The following C2orf42 variants were observed in gnomAD, a reference collection of about 807,000 sequenced individuals.
C2orf42 encodes chromosome 2 open reading frame 42.
Under a neutral mutation model 58.9 loss-of-function variants are expected in C2orf42, and 44 were observed. The ratio of observed to expected loss-of-function variants is 0.75; its 90% CI spans 0.59 to 0.96. The LOEUF (loss-of-function observed/expected upper bound fraction) is 0.96, where lower values mean the gene tolerates loss of function less well. C2orf42 is among the 40% of genes least tolerant of loss of function. C2orf42 has a pLI of 0.00. For missense variants in C2orf42, 630 were observed against 699.2 expected (o/e 0.90, Z 1.12); for synonymous variants, 239 against 265.4 (o/e 0.90, Z 0.97).
At chr2:70,150,593 A>G (rs756603528) in intron 9 of C2orf42, 29 bp from the exon 10 acceptor site, 3 of 1,542,002 alleles carry the variant, frequency 1.9e-6, no homozygotes, top group South Asian at 1.1e-5. Flanking sequence ...TATTAGTACA[A>G]TTCCACCTAA....
Position 70,150,534 on chromosome 2 carries a change from G to T in C2orf42, c.1547C>A (p.Thr516Lys). Residue 516 changes from threonine to lysine, a missense_variant, in exon 10 of 10, where the codon ACA (threonine) becomes AAA (lysine). Coordinates refer to ENST00000264434, the MANE Select transcript of C2orf42 (RefSeq NM_017880.3). ...TGGGATCCACTCGATGATGAAAGGT[G>T]TTGGCTCCTTTTGATCTGGGGAAGT... is the stretch of plus-strand genomic sequence containing the variant. ...GNTSPDQKEPTPFIIEWIPDI... is the reference protein window; with the variant it reads ...GNTSPDQKEPKPFIIEWIPDI... 4.3e-6 allele frequency: 7 copies of T among 1,613,912 alleles called. No individual in the cohort carries two copies. The highest frequency in any genetic ancestry group is 5.9e-6 in the Non-Finnish European group (7 of 1,179,808).
Position 70,181,762 on chromosome 2 carries a change from T to C in C2orf42, c.224A>G (p.Tyr75Cys). ...GCCCCGGTCTCTTTGCCGCACTGAG[T>C]AGACCTGAAGATCAGAGCCTGTAAT... is the stretch of plus-strand genomic sequence containing the variant. ...KIITGSDLQV[Y>C]SVRQRDRGPD... is the part of the protein sequence containing the mutation. Residue 75 changes from tyrosine (Y) to cysteine (C), a missense_variant, in exon 3 of 10, where the codon TAC becomes TGC. Transcript: ENST00000264434. The C allele has an allele frequency of 6.2e-7, 1 of 1,614,096 alleles. No homozygotes were observed. Among genetic ancestry groups the C allele is most frequent in the Non-Finnish European group, 8.5e-7 (1 of 1,179,972 alleles).
intron 1 of C2orf42, among the ~76,000 whole-genome samples, chr2:70,189,084 GAAAAT>G (rs1445676651): frequency 6.6e-6 from 1 of 151,920 alleles, no homozygotes; most frequent in Non-Finnish European, 1.5e-5. Context: ...ATACTTCCCA[GAAAAT>G]AAAATATTTT....
chr2:70,171,261 T>A (rs1427227034), intron 5 of C2orf42, among the ~76,000 whole-genome samples: 8 of 152,010 alleles, frequency 5.3e-5, no homozygotes, highest in Admixed American at 5.3e-4. Context: ...GGGTGTAGAG[T>A]GAGACCCCAT....
At chr2:70,160,602 A>G in intron 9 of C2orf42, 23 bp downstream of exon 9, 2 of 1,572,906 alleles carry the variant, frequency 1.3e-6, no homozygotes, top group Non-Finnish European at 1.7e-6. Flanking sequence ...TCAAAGGAAG[A>G]TGCAGTTTTG....
At chr2:70,167,138 C>T (rs960899178) in intron 6 of C2orf42, among the ~76,000 whole-genome samples, 1 of 152,116 alleles carries the variant, frequency 6.6e-6, no homozygotes, top group Non-Finnish European at 1.5e-5. Flanking sequence ...GCAGGTGGAT[C>T]ACCAGGTCAG....
At chr2:70,173,739 C>G (rs928069221) in intron 5 of C2orf42, among the ~76,000 whole-genome samples, 1 of 152,078 alleles carries the variant, frequency 6.6e-6, no homozygotes. Flanking sequence ...ACCTCAGCCT[C>G]CTAAGTAGCT....
chr2:70,187,725 T>G (rs1185538588), intron 1 of C2orf42, among the ~76,000 whole-genome samples: 2 of 151,774 alleles, frequency 1.3e-5, no homozygotes, highest in African/African-American at 2.4e-5. Flanking sequence ...GAGTCTCACT[T>G]TGTCACCCAG....
rs534586959 is a variant in C2orf42, at chr2:70,156,428, T to G, written c.1516+4197A>C. On this transcript the variant is annotated intron_variant, in intron 9 of 9. Transcript: ENST00000264434. ...TGAACCCAGGAGTTCAAGGCTGTAGTGCACTATGATCACACCTGGAAATAG... is the reference window on the plus strand; with the variant it reads ...TGAACCCAGGAGTTCAAGGCTGTAGGGCACTATGATCACACCTGGAAATAG... 5.3e-5 allele frequency among the ~76,000 whole-genome samples: 8 copies of G among 151,896 alleles called. No individual in the cohort carries two copies. In the South Asian group the frequency reaches 1.7e-3, roughly 32 times the overall value.
chr2:70,176,919 T>C (rs1342642354), intron 4 of C2orf42, among the ~76,000 whole-genome samples: 2 of 152,178 alleles, frequency 1.3e-5, no homozygotes, highest in Admixed American at 6.5e-5. Flanking sequence ...AATCATAAAA[T>C]CAACATCTCC....
chr2:70,151,915 T>C lies in C2orf42; in HGVS notation c.1517-1351A>G, dbSNP rs142565073. Among the ~76,000 whole-genome samples the C allele has an allele frequency of 8.3e-3, 1,263 of 152,096 alleles. 6 individuals carry two copies. The highest frequency in any genetic ancestry group is 0.013 in the Non-Finnish European group (918 of 68,004). On this transcript the variant is annotated intron_variant, in intron 9 of 9. Coordinates refer to ENST00000264434, the MANE Select transcript of C2orf42 (RefSeq NM_017880.3). ...CTCCAGCCTTCCAAGTAGCTGGGACTACAGGCACGCACCACCATGTCCAGC... is the reference window on the plus strand; with the variant it reads ...CTCCAGCCTTCCAAGTAGCTGGGACCACAGGCACGCACCACCATGTCCAGC...
intron 9 of C2orf42, among the ~76,000 whole-genome samples, chr2:70,151,861 C>G (rs1209453454): frequency 6.6e-6 from 1 of 152,000 alleles, no homozygotes; most frequent in Admixed American, 6.6e-5. Context: ...CGGTTCACTG[C>G]AACCTCCACC....
At chr2:70,162,616 C>A (rs1252012176) in intron 8 of C2orf42, among the ~76,000 whole-genome samples, 1 of 151,832 alleles carries the variant, frequency 6.6e-6, no homozygotes, top group East Asian at 2.0e-4. Context: ...GCATTCCAGC[C>A]TAGACAACAG....
At chr2:70,169,246 A>ACC (rs199749454) in intron 6 of C2orf42, among the ~76,000 whole-genome samples, 1 of 120,584 alleles carries the variant, frequency 8.3e-6, no homozygotes, top group Admixed American at 9.9e-5. Flanking sequence ...TATCTCCCTC[A>ACC]CCACACACAC....
chr2:70,182,780 T>C lies in C2orf42; in HGVS notation c.-126A>G, dbSNP rs1221052752. 6.6e-6 allele frequency: 1 copy of C among 152,188 alleles called. No homozygotes were observed. Among genetic ancestry groups the C allele is most frequent in the Non-Finnish European group, 1.5e-5 (1 of 68,036 alleles). 9.4% of individuals were successfully genotyped at this position (152,188 alleles called of 1,614,324 possible). On this transcript the variant is annotated 5_prime_UTR_variant, in exon 2 of 10. Coordinates refer to ENST00000264434, the MANE Select transcript of C2orf42 (RefSeq NM_017880.3). ...GAAAACACGATCATTTGCAGACTAA[T>C]GATAACTGCTTAACCCAAAATCTTC...
At chr2:70,162,419 G>A (rs1340424830) in intron 8 of C2orf42, among the ~76,000 whole-genome samples, 1 of 151,710 alleles carries the variant, frequency 6.6e-6, no homozygotes, top group Non-Finnish European at 1.5e-5. Flanking sequence ...AAGCCAAGGA[G>A]GGTGGATCAC....
intron 6 of C2orf42, among the ~76,000 whole-genome samples, chr2:70,169,137 A>G (rs917768130): frequency 3.3e-5 from 5 of 152,052 alleles, no homozygotes; most frequent in South Asian, 2.1e-4. Context: ...TATTTTTTGT[A>G]GAGATGGGGT....
intron 9 of C2orf42, among the ~76,000 whole-genome samples, chr2:70,157,746 G>A (rs1427755777): frequency 1.3e-5 from 2 of 151,794 alleles, no homozygotes; most frequent in Non-Finnish European, 2.9e-5. Context: ...GCAGTGAGCC[G>A]AGATCGTGCC....
At chr2:70,161,879 T>G (rs1673072555) in intron 8 of C2orf42, among the ~76,000 whole-genome samples, 1 of 151,280 alleles carries the variant, frequency 6.6e-6, no homozygotes, top group African/African-American at 2.4e-5. Flanking sequence ...TCTCACTTGG[T>G]TGCCCCTGCT....
Sources: gnomAD v4.1 joint callset for allele counts (sites outside exome capture counted in the v4.1 genomes callset) on GRCh38, gnomAD v4.1.1 for gene constraint, MANE v1.5 for transcripts, NCBI Gene and HGNC (gene_info 2026-07-23, HGNC 2026-07-21) for gene names.